OTP: variants seen among roughly 807,000 people sequenced by gnomAD.
OTP encodes homeobox protein orthopedia.
Under a neutral mutation model 22.3 loss-of-function variants are expected in OTP, and 5 were observed. The ratio of observed to expected loss-of-function variants is 0.22; its 90% CI spans 0.12 to 0.47. The LOEUF is 0.47. Among genes scored for constraint, OTP ranks in the 20% least tolerant of loss-of-function variants. OTP has a pLI of 0.99. For synonymous variants in OTP, 229 were observed against 210.6 expected (o/e 1.09, Z -0.76); for missense variants, 428 against 456.2 (o/e 0.94, Z 0.56).
Position 77,638,713 on chromosome 5 carries a change from T to A in OTP, c.-164A>T. 1.6e-6 allele frequency: 1 copy of A among 608,800 alleles called. No individual in the cohort carries two copies. Among genetic ancestry groups the A allele is most frequent in the Non-Finnish European group, 2.7e-6 (1 of 368,828 alleles). The allele number at this position is 608,800 out of a possible 1,614,324, so 37.7% of individuals were successfully genotyped here. ...AAAAAGGGGGCTTCTTGCATTATAA[T>A]GTCCTTTAGAGAGACGGGGAGGTGC... On this transcript the variant is annotated 5_prime_UTR_variant, in exon 1 of 3. Coordinates refer to ENST00000306422, the MANE Select transcript of OTP (RefSeq NM_032109.3).
rs1745015089 is a variant in OTP, at chr5:77,636,850, G to T, written c.418C>A (p.Arg140Ser). The change falls in exon 2 of 3, where the codon CGT becomes AGT. Residue 140 changes from arginine (R) to serine (S), a missense_variant. Around this residue, in one of 3 missense-constraint regions of OTP, gnomAD observed 16 missense variants for 55.2 expected, o/e 0.29. Transcript: ENST00000306422. The stretch of plus-strand genomic sequence containing the variant: ...ACTCGGGACTCGGTCAGCCCGATAC[G>T]CAGTGCCAGCTCCTCACGCATAAAG... ...DIFMREELAL[R>S]IGLTESRVQV... The T allele has an allele frequency of 6.2e-7, 1 of 1,613,684 alleles. No homozygotes were observed. The highest frequency in any genetic ancestry group is 8.5e-7 in the Non-Finnish European group (1 of 1,179,774).
intron 2 of OTP, among the ~76,000 whole-genome samples, chr5:77,631,326 C>T (rs1744925681): frequency 6.6e-6 from 1 of 152,158 alleles, no homozygotes; most frequent in African/African-American, 2.4e-5. Flanking sequence ...CCTAACGCTA[C>T]GGTTGACAGA....
rs1015596217 is a variant in OTP at position 77,637,073 on chromosome 5, T to C, written c.195A>G (p.Thr65=). The C allele has an allele frequency of 1.5e-5, 25 of 1,613,318 alleles. No individual in the cohort carries two copies. The highest frequency in any genetic ancestry group is 2.7e-5 in the African/African-American group (2 of 74,920). Residue 65 remains threonine, a synonymous_variant, in exon 2 of 3, where the codon ACA becomes ACG. Transcript: ENST00000306422. ...ATLLPGEDIT[T]VGSTPASLAV... The stretch of plus-strand genomic sequence containing the variant: ...CCAGCGAGGCCGGAGTAGAGCCCAC[T>C]GTGGTGATGTCCTCCCCGGGCAGCA...
At position 77,637,159 on chromosome 5, in the gene OTP, C is replaced by T. The variant is rs748839801; in HGVS notation, c.109G>A (p.Asp37Asn). 8.8e-6 allele frequency: 14 copies of T among 1,582,366 alleles called. No homozygotes were observed. Among genetic ancestry groups the T allele is most frequent in the South Asian group, 1.1e-5 (1 of 87,408 alleles). Residue 37 changes from aspartate to asparagine, a missense_variant, in exon 2 of 3, where the codon GAC (aspartate) becomes AAC (asparagine). This residue lies in a region of OTP where 176 missense variants were observed against 162.9 expected (regional missense o/e 1.08). Transcript: ENST00000306422. ...VKCRLGVGGS[D>N]PGGHPGDLAP... ...AGGTCCCCCGGATGGCCCCCGGGGT[C>T]GGAGCCCCCCACGCCCAGCCTACAC...
chr5:77,638,710 T>C lies in OTP; in HGVS notation c.-161A>G, dbSNP rs1304651949. 1.5e-5 allele frequency: 9 copies of C among 616,498 alleles called. No homozygotes were observed. The East Asian group carries it at 1.9e-4, about 13-fold the overall frequency. 38.2% of individuals were successfully genotyped at this position (616,498 alleles called of 1,614,324 possible). A position where few individuals can be genotyped will look rare whatever the true frequency, so the allele number is the denominator to read the frequency against. On this transcript the variant is annotated 5_prime_UTR_variant, in exon 1 of 3. Coordinates refer to ENST00000306422, the MANE Select transcript of OTP (RefSeq NM_032109.3). ...GTTAAAAAGGGGGCTTCTTGCATTA[T>C]AATGTCCTTTAGAGAGACGGGGAGG... is the stretch of plus-strand genomic sequence containing the variant.
rs200310932 is a variant in OTP at position 77,636,818 on chromosome 5, T to C, written c.447+3A>G. ...TCTGTCCCAGATCCCAAGCCCCTCG[T>C]ACCTGCACTCGGGACTCGGTCAGCC... On this transcript the variant is annotated splice_donor_region_variant and intron_variant, in intron 2 of 2. Transcript: ENST00000306422. 6 of 1,607,206 alleles carry C rather than the reference T, an allele frequency of 3.7e-6. No individual in the cohort carries two copies. Among genetic ancestry groups the C allele is most frequent in the Non-Finnish European group, 5.1e-6 (6 of 1,175,764 alleles).
rs1310863934 is a variant in OTP at position 77,630,442 on chromosome 5, T to A, written c.800A>T (p.His267Leu). The stretch of plus-strand genomic sequence containing the variant: ...GCCGGGGAAGGCGGGCTGGTAGAGG[T>A]GCGACTGCAGCCCCGCGCCGTTGGA... ...AGSNGAGLQSHLYQPAFPGMV... is the reference protein window; with the variant it reads ...AGSNGAGLQSLLYQPAFPGMV... The change falls in exon 3 of 3, where the codon CAC becomes CTC. Residue 267 changes from histidine (H) to leucine (L), a missense_variant. By Grantham distance (99) the His-to-Leu change is moderately conservative. Around this residue, in one of 3 missense-constraint regions of OTP, gnomAD observed 236 missense variants for 238.1 expected, o/e 0.99. Transcript: ENST00000306422. 6.3e-7 allele frequency: 1 copy of A among 1,580,220 alleles called. No homozygotes were observed. Among genetic ancestry groups the A allele is most frequent in the Non-Finnish European group, 8.6e-7 (1 of 1,165,022 alleles).
At position 77,638,567 on chromosome 5, in the gene OTP, C is replaced by A; in HGVS notation, c.-18G>T. 8 of 1,553,354 alleles carry A rather than the reference C, an allele frequency of 5.2e-6. No individual in the cohort carries two copies. The highest frequency in any genetic ancestry group is 2.1e-5 in the Admixed American group (1 of 48,006). ...GACAGCATCGCGCACCGCTCCAGGGCGAAAGCTGTTCCCCCCCAAATTTTA... is the reference window on the plus strand; with the variant it reads ...GACAGCATCGCGCACCGCTCCAGGGAGAAAGCTGTTCCCCCCCAAATTTTA... On this transcript the variant is annotated 5_prime_UTR_variant, in exon 1 of 3. Transcript: ENST00000306422.
At position 77,629,970 on chromosome 5, in the gene OTP, G is replaced by C. The variant is rs1299388424; in HGVS notation, c.*294C>G. ...AGCAGGGAGGCCAGGGTGGCGGGAA[G>C]GGTGGGCTGAGGCGCTGGAGACCGA... On this transcript the variant is annotated 3_prime_UTR_variant, in exon 3 of 3. Coordinates refer to ENST00000306422, the MANE Select transcript of OTP (RefSeq NM_032109.3). The C allele has an allele frequency of 3.1e-5, 6 of 195,488 alleles. No homozygotes were observed. The highest frequency in any genetic ancestry group is 1.8e-4 in the Admixed American group (3 of 16,490). The allele number at this position is 195,488 out of a possible 1,614,324, so 12.1% of individuals were successfully genotyped here. A position where few individuals can be genotyped will look rare whatever the true frequency, so the allele number is the denominator to read the frequency against.
At chr5:77,638,158 G>A (rs1009362605) in intron 1 of OTP, among the ~76,000 whole-genome samples, 1 of 143,028 alleles carries the variant, frequency 7.0e-6, no homozygotes, top group African/African-American at 2.6e-5. Flanking sequence ...GGGAGGGAAG[G>A]AGAAAGAAAT....
chr5:77,637,882 CAACCGTGAATCA>C (rs758658080), intron 1 of OTP, among the ~76,000 whole-genome samples: 3 of 152,178 alleles, frequency 2.0e-5, no homozygotes, highest in Non-Finnish European at 4.4e-5. Flanking sequence ...ACTCTATGGA[CAACCGTGAATCA>C]AACTTTAGAG....
intron 2 of OTP, among the ~76,000 whole-genome samples, chr5:77,631,002 A>G (rs1340569475): frequency 2.0e-5 from 3 of 152,308 alleles, no homozygotes; most frequent in African/African-American, 7.2e-5. Context: ...TGCACCCACC[A>G]AGCGCGGAGT....
intron 2 of OTP, chr5:77,636,547 G>GCGAATT (rs1262770826): frequency 1.8e-5 from 7 of 382,118 alleles, no homozygotes; most frequent in Non-Finnish European, 3.3e-5. Context: ...GGCGGAGGAG[G>GCGAATT]CGAACCCTGT....
chr5:77,632,138 C>T (rs140846355), intron 2 of OTP, among the ~76,000 whole-genome samples: 1 of 150,458 alleles, frequency 6.6e-6, no homozygotes, highest in Non-Finnish European at 1.5e-5. Context: ...CCGGGAGTTA[C>T]AGACCCTGTC....
At position 77,637,068 on chromosome 5, in the gene OTP, C is replaced by A; in HGVS notation, c.200G>T (p.Gly67Val). The A allele has an allele frequency of 6.2e-7, 1 of 1,613,344 alleles. No homozygotes were observed. The highest frequency in any genetic ancestry group is 8.5e-7 in the Non-Finnish European group (1 of 1,179,806). Reference protein sequence around the residue: ...LLPGEDITTVGSTPASLAVSA... With the variant: ...LLPGEDITTVVSTPASLAVSA... ...CACCGCCAGCGAGGCCGGAGTAGAG[C>A]CCACTGTGGTGATGTCCTCCCCGGG... The change falls in exon 2 of 3, where the codon GGC (glycine) becomes GTC (valine). Residue 67 changes from glycine (G) to valine (V), a missense_variant. Gly to Val is a moderately radical substitution (Grantham distance 109). Transcript: ENST00000306422.
chr5:77,632,776 G>C (rs892185101), intron 2 of OTP, among the ~76,000 whole-genome samples: 1 of 152,152 alleles, frequency 6.6e-6, no homozygotes, highest in South Asian at 2.1e-4. Context: ...TCTCTTCCCA[G>C]TTGCAGCCCG....
intron 1 of OTP, 81 bp from the exon 2 acceptor site, chr5:77,637,311 A>G: frequency 7.0e-7 from 1 of 1,423,122 alleles, no homozygotes; most frequent in Non-Finnish European, 9.3e-7. Context: ...CCTTCCTTCA[A>G]CCCGTCCTCG....
Position 77,631,556 on chromosome 5 carries a change from T to C in OTP, c.448-762A>G, listed in dbSNP as rs1450636124. Reference sequence around the variant, plus strand: ...CAAGAGCCTTCAACCCTATTCTTTTTTTTTTTTTTTTTTTTTTTTTGAGAC... The same window carrying C: ...CAAGAGCCTTCAACCCTATTCTTTTCTTTTTTTTTTTTTTTTTTTTGAGAC... On this transcript the variant is annotated intron_variant, in intron 2 of 2. Transcript: ENST00000306422. Among the ~76,000 whole-genome samples the C allele has an allele frequency of 8.2e-4, 114 of 138,558 alleles. 1 individual carries two copies. Among genetic ancestry groups the C allele is most frequent in the Admixed American group, 4.9e-3 (69 of 14,002 alleles). The allele number at this position is 138,558 out of a possible 152,430, so 90.9% of individuals were successfully genotyped here. A position where few individuals can be genotyped will look rare whatever the true frequency, so the allele number is the denominator to read the frequency against.
rs1178681792 is a variant in OTP, at chr5:77,637,070, C to T, written c.198G>A (p.Val66=). The T allele has an allele frequency of 2.5e-6, 4 of 1,613,340 alleles. No individual in the cohort carries two copies. In the South Asian group the frequency reaches 4.4e-5, roughly 18 times the overall value. The change falls in exon 2 of 3, where the codon GTG becomes GTA. Residue 66 remains valine (V), a synonymous_variant. Transcript: ENST00000306422. Reference sequence around the variant, plus strand: ...CCGCCAGCGAGGCCGGAGTAGAGCCCACTGTGGTGATGTCCTCCCCGGGCA... The same window carrying T: ...CCGCCAGCGAGGCCGGAGTAGAGCCTACTGTGGTGATGTCCTCCCCGGGCA... ...TLLPGEDITT[V]GSTPASLAVS...
Sources: gnomAD v4.1 joint callset for allele counts (sites outside exome capture counted in the v4.1 genomes callset) on GRCh38, gnomAD v4.1.1 for gene constraint, gnomAD v4.1.1 regional missense constraint, MANE v1.5 for transcripts, NCBI Gene and HGNC (gene_info 2026-07-23, HGNC 2026-07-21) for gene names.